The following RGS12 variants were observed in gnomAD, a reference collection of about 807,000 sequenced individuals.
RGS12 encodes the protein regulator of G-protein signaling 12.
In RGS12, 66 loss-of-function variants were observed where a neutral mutation model predicts 120.1. The observed-to-expected ratio is 0.55, with a 90% CI of 0.45 to 0.67. The LOEUF (loss-of-function observed/expected upper bound fraction) is 0.67. Among genes scored for constraint, RGS12 ranks in the 30% least tolerant of loss-of-function variants. The pLI is 0.00. For missense variants in RGS12, 1,859 were observed against 1,957.7 expected, an observed-to-expected ratio of 0.95 and a Z score of 0.95; for synonymous variants, 827 against 804.7, an observed-to-expected ratio of 1.03 and a Z score of -0.47.
intron 3 of RGS12, chr4:3,385,996 A>G (rs530300575): frequency 1.5e-5 from 3 of 203,102 alleles, no homozygotes; most frequent in South Asian, 1.0e-4. Flanking sequence ...CACTGAGTGG[A>G]CTGTTGGTGG....
At chr4:3,416,156 A>G (rs373136591) in intron 7 of RGS12, 35 bp downstream of exon 7, 854 of 1,611,180 alleles carry the variant, frequency 5.3e-4, no homozygotes, top group Non-Finnish European at 6.7e-4. Flanking sequence ...TGGGGAGTCC[A>G]GGCTAGGGCT....
chr4:3,436,433 A>G (rs1724812469), intron 17 of RGS12, among the ~76,000 whole-genome samples: 1 of 152,184 alleles, frequency 6.6e-6, no homozygotes, highest in Non-Finnish European at 1.5e-5. Flanking sequence ...GCTTGGCAGC[A>G]CAGATGATGT....
At chr4:3,296,601 G>T (rs35150150) in intron 1 of RGS12, among the ~76,000 whole-genome samples, 9,386 of 152,268 alleles carry the variant, frequency 0.062, 367 homozygotes, top group South Asian at 0.095. Flanking sequence ...CAGTCCCAGG[G>T]ATTAGGGCCT....
chr4:3,333,300 C>T (rs1002086665), intron 2 of RGS12, among the ~76,000 whole-genome samples: 4 of 152,172 alleles, frequency 2.6e-5, no homozygotes, highest in Admixed American at 2.0e-4. Flanking sequence ...CCACCCGCCT[C>T]GGCCTCCCAA....
intron 1 of RGS12, among the ~76,000 whole-genome samples, chr4:3,298,345 A>G (rs1389617658): frequency 2.6e-5 from 4 of 151,172 alleles, no homozygotes; most frequent in African/African-American, 9.8e-5. Flanking sequence ...GATCTCTTTG[A>G]TGTTTGTTCA....
chr4:3,432,481 TG>T (rs1413819309), intron 17 of RGS12, among the ~76,000 whole-genome samples: 1 of 152,168 alleles, frequency 6.6e-6, no homozygotes, highest in Non-Finnish European at 1.5e-5. Context: ...CCTGCAGCCC[TG>T]GGGCTGTGGC....
chr4:3,325,308 A>T (rs1315629820), intron 2 of RGS12, among the ~76,000 whole-genome samples: 1 of 152,250 alleles, frequency 6.6e-6, no homozygotes, highest in African/African-American at 2.4e-5. Flanking sequence ...ATTAAAAGCT[A>T]CATAATAGGG....
chr4:3,405,416 C>G (rs1354088813), intron 4 of RGS12, among the ~76,000 whole-genome samples: 1 of 152,200 alleles, frequency 6.6e-6, no homozygotes, highest in Non-Finnish European at 1.5e-5. Flanking sequence ...CAGCCAAGCC[C>G]AAACTGAGGG....
At chr4:3,438,324 G>A (rs1034956134) in intron 17 of RGS12, among the ~76,000 whole-genome samples, 1 of 151,980 alleles carries the variant, frequency 6.6e-6, no homozygotes, top group East Asian at 1.9e-4. Context: ...ACCTGCCCCC[G>A]AAGCCTGCTC....
At position 3,430,457 on chromosome 4, in the gene RGS12, C is replaced by T. The variant is rs753483234; in HGVS notation, c.3616C>T (p.Arg1206Cys). ...TCAGAGCAACAGAGCAGATGACCAA[C>T]GTGGGCTGCTAAGGAAGGAAGACCT... Reference protein sequence around the residue: ...KAQSNRADDQRGLLRKEDLVL... With the variant: ...KAQSNRADDQCGLLRKEDLVL... The change falls in exon 17 of 18, where the codon CGT becomes TGT. Residue 1206 changes from arginine to cysteine, a missense_variant. This residue lies in a region of RGS12 where 517 missense variants were observed against 488.5 expected (regional missense o/e 1.06). Transcript: ENST00000336727. 7.4e-6 allele frequency: 12 copies of T among 1,613,734 alleles called. No individual in the cohort carries two copies. Among genetic ancestry groups the T allele is most frequent in the Middle Eastern group, 1.6e-4 (1 of 6,082 alleles).
At position 3,423,582 on chromosome 4, in the gene RGS12, G is replaced by T; in HGVS notation, c.3175G>T (p.Val1059Leu). The T allele has an allele frequency of 6.2e-7, 1 of 1,612,752 alleles. No individual in the cohort carries two copies. Among genetic ancestry groups the T allele is most frequent in the Non-Finnish European group, 8.5e-7 (1 of 1,179,968 alleles). ...KAKPTKPVTE[V>L]LRPVVARYGL... is the part of the protein sequence containing the mutation. ...CAAGCCCACCAAGCCCGTCACGGAG[G>T]TGCTGCGGCCCGTGGTGGCCAGATA... is the stretch of plus-strand genomic sequence containing the variant. The change falls in exon 13 of 18, where the codon GTG becomes TTG. Residue 1059 changes from valine to leucine, a missense_variant. By Grantham distance (32) the Val-to-Leu change is conservative. Coordinates refer to ENST00000336727, the MANE Select transcript of RGS12 (RefSeq NM_001394154.1).
chr4:3,409,582 A>G (rs1179392711), intron 4 of RGS12, among the ~76,000 whole-genome samples: 4 of 152,174 alleles, frequency 2.6e-5, no homozygotes, highest in Admixed American at 6.5e-5. Context: ...GGCAAGGCCT[A>G]GGGAGTGGCC....
chr4:3,291,519 T>C (rs1392635949), upstream of RGS12, among the ~76,000 whole-genome samples: 1 of 152,158 alleles, frequency 6.6e-6, no homozygotes, highest in Non-Finnish European at 1.5e-5. Context: ...GCTAATTTTT[T>C]GTATTTTAGT....
intron 3 of RGS12, among the ~76,000 whole-genome samples, chr4:3,382,348 GCCT>G (rs1718352469): frequency 1.3e-5 from 2 of 152,100 alleles, no homozygotes; most frequent in Non-Finnish European, 1.5e-5. Context: ...CAGTCCCTCT[GCCT>G]CCTCCTCAGC....
At chr4:3,430,979 C>T (rs1453390571) in intron 17 of RGS12, 24 bp downstream of exon 17, 1 of 1,608,698 alleles carries the variant, frequency 6.2e-7, no homozygotes, top group Non-Finnish European at 8.5e-7. Context: ...CTGATCCCTC[C>T]ACCTTGGCCC....
At chr4:3,404,165 C>G in intron 4 of RGS12, among the ~76,000 whole-genome samples, 1 of 152,242 alleles carries the variant, frequency 6.6e-6, no homozygotes, top group East Asian at 1.9e-4. Context: ...GCTCCTTCGT[C>G]TACACTTGCC....
intron 4 of RGS12, among the ~76,000 whole-genome samples, chr4:3,400,365 C>T (rs1362087155): frequency 2.0e-5 from 3 of 152,180 alleles, no homozygotes; most frequent in African/African-American, 7.2e-5. Flanking sequence ...TCCCACCATT[C>T]ATTCAACAGT....
At chr4:3,421,442 G>A (rs934042598) in intron 10 of RGS12, among the ~76,000 whole-genome samples, 4 of 152,180 alleles carry the variant, frequency 2.6e-5, no homozygotes, top group Non-Finnish European at 4.4e-5. Context: ...TAATACCTCC[G>A]CACCCCCAAA....
intron 3 of RGS12, chr4:3,385,268 T>A (rs1577025077): frequency 6.6e-6 from 1 of 152,324 alleles, no homozygotes; most frequent in Non-Finnish European, 1.5e-5. Context: ...CAGAAGTGGG[T>A]CCTTGCCAGG....
Sources: gnomAD v4.1 joint callset for allele counts (sites outside exome capture counted in the v4.1 genomes callset) on GRCh38, gnomAD v4.1.1 for gene constraint, gnomAD v4.1.1 regional missense constraint, MANE v1.5 for transcripts, NCBI Gene and HGNC (gene_info 2026-07-23, HGNC 2026-07-21) for gene names.